PDZD2: variants seen among roughly 807,000 people sequenced by gnomAD.
PDZD2 encodes PDZ domain-containing protein 2.
A neutral mutation model predicts 220.7 loss-of-function variants in PDZD2; 90 were observed. That is an observed-to-expected ratio of 0.41 (90% CI 0.34 to 0.49). PDZD2 has a LOEUF of 0.49. Ranked by LOEUF, PDZD2 falls within the 20% of genes least tolerant of loss-of-function variation. The pLI, the probability that PDZD2 is intolerant of heterozygous loss-of-function variation, is 0.28. For synonymous variants in PDZD2, 1,375 were observed against 1,450.5 expected, an observed-to-expected ratio of 0.95 and a Z score of 1.18; for missense variants, 3,174 against 3,608.5, an observed-to-expected ratio of 0.88 and a Z score of 3.08.
Position 32,108,023 on chromosome 5 carries a change from T to C in PDZD2, c.8408T>C (p.Ile2803Thr). The change falls in exon 25 of 25, where the codon ATT becomes ACT. Residue 2803 changes from isoleucine to threonine, a missense_variant. By Grantham distance (89) the Ile-to-Thr change is moderately conservative. Around this residue, in one of 4 missense-constraint regions of PDZD2, gnomAD observed 631 missense variants for 789.9 expected, o/e 0.80. Transcript: ENST00000438447. ...GAAGCTGGAGATGAAATTCTTGCTATTAATGGGAAACCTCTGGTTGGGCTC... is the reference window on the plus strand; with the variant it reads ...GAAGCTGGAGATGAAATTCTTGCTACTAATGGGAAACCTCTGGTTGGGCTC... ...IIEAGDEILA[I>T]NGKPLVGLMH... The C allele has an allele frequency of 6.2e-7, 1 of 1,612,980 alleles. No homozygotes were observed. The highest frequency in any genetic ancestry group is 8.5e-7 in the Non-Finnish European group (1 of 1,178,940).
At chr5:31,894,157 C>T (rs1430701659) in intron 2 of PDZD2, among the ~76,000 whole-genome samples, 4 of 148,716 alleles carry the variant, frequency 2.7e-5, no homozygotes, top group Non-Finnish European at 5.9e-5. Context: ...AGGTGATCCA[C>T]TCATCTCAGC....
intron 13 of PDZD2, among the ~76,000 whole-genome samples, chr5:32,060,614 C>T (rs1359505005): frequency 6.6e-6 from 1 of 152,128 alleles, no homozygotes; most frequent in Non-Finnish European, 1.5e-5. Context: ...TCTGGGTGAC[C>T]CCTCTGAGCC....
At chr5:31,912,002 A>G (rs1011421347) in intron 2 of PDZD2, among the ~76,000 whole-genome samples, 2 of 152,228 alleles carry the variant, frequency 1.3e-5, no homozygotes, top group South Asian at 2.1e-4. Context: ...GATTGAGTGA[A>G]TCAGTCTACA....
intron 1 of PDZD2, among the ~76,000 whole-genome samples, chr5:31,693,771 G>C (rs983978373): frequency 6.6e-6 from 1 of 152,118 alleles, no homozygotes; most frequent in African/African-American, 2.4e-5. Context: ...GTTAATGAAG[G>C]GACCGTCAGT....
rs377116878 is a variant in PDZD2 at position 32,040,416 on chromosome 5, T to C, written c.1519+3074T>C. On this transcript the variant is annotated intron_variant, in intron 7 of 24. Transcript: ENST00000438447. ...CCCGGCCGCCACCCTGTCTAGGAAG[T>C]GAGGAGCGTCTCTGCCGGACTGCCC... is the stretch of plus-strand genomic sequence containing the variant. 5.4e-3 allele frequency among the ~76,000 whole-genome samples: 724 copies of C among 135,160 alleles called. 10 individuals carry two copies. Among genetic ancestry groups the C allele is most frequent in the African/African-American group, 0.02 (685 of 34,814 alleles). 88.7% of individuals were successfully genotyped at this position (135,160 alleles called of 152,430 possible).
At chr5:31,660,026 A>T (rs1745699297) in intron 1 of PDZD2, among the ~76,000 whole-genome samples, 1 of 152,212 alleles carries the variant, frequency 6.6e-6, no homozygotes, top group South Asian at 2.1e-4. Context: ...AATTTTCCTA[A>T]GGTGACCCAG....
At chr5:32,013,669 A>C (rs1753504061) in intron 6 of PDZD2, among the ~76,000 whole-genome samples, 1 of 152,092 alleles carries the variant, frequency 6.6e-6, no homozygotes, top group Admixed American at 6.5e-5. Context: ...TCATGCCACC[A>C]GAAGCTCTTA....
intron 2 of PDZD2, among the ~76,000 whole-genome samples, chr5:31,821,382 T>C (rs1334846869): frequency 1.9e-5 from 1 of 51,928 alleles, no homozygotes; most frequent in Non-Finnish European, 4.4e-5. Context: ...TGAGTTATTA[T>C]TATTATTTTT....
chr5:31,934,213 G>A (rs1377750185), intron 2 of PDZD2, among the ~76,000 whole-genome samples: 1 of 151,728 alleles, frequency 6.6e-6, no homozygotes, highest in African/African-American at 2.4e-5. Flanking sequence ...TCTTTTAAAA[G>A]AAAAAAAAGC....
intron 1 of PDZD2, among the ~76,000 whole-genome samples, chr5:31,757,330 GCCGGTAAT>G (rs1416734976): frequency 6.6e-6 from 1 of 152,082 alleles, no homozygotes; most frequent in East Asian, 1.9e-4. Context: ...GGTGGCTCAC[GCCGGTAAT>G]CCCAGCACTT....
chr5:31,991,504 A>G (rs1651249874), intron 3 of PDZD2, among the ~76,000 whole-genome samples: 1 of 152,158 alleles, frequency 6.6e-6, no homozygotes, highest in Admixed American at 6.5e-5. Context: ...TGCTGTTTGC[A>G]TTGAGATGGG....
chr5:31,891,298 G>T (rs1304090073), intron 2 of PDZD2, among the ~76,000 whole-genome samples: 3 of 151,608 alleles, frequency 2.0e-5, no homozygotes, highest in African/African-American at 4.9e-5. Context: ...CACCATGCCC[G>T]GCTAATTTTT....
chr5:32,090,513 C>A lies in PDZD2; in HGVS notation c.7065C>A (p.Ser2355=), dbSNP rs753670602. ...ATGCTGACCGGCCTGTAGCCAAGTC[C>A]GGGGCTTCCCCATTTTTGTCGGTGA... ...LANADRPVAK[S]GASPFLSVSS... Residue 2355 remains serine (S), a synonymous_variant, in exon 20 of 25, where the codon TCC becomes TCA. Transcript: ENST00000438447. The surrounding 1 kb of genome is among the most constrained non-coding windows in gnomAD (Gnocchi z 4.3). 1 of 1,613,972 alleles carries A rather than the reference C, an allele frequency of 6.2e-7. No individual in the cohort carries two copies. The highest frequency in any genetic ancestry group is 8.5e-7 in the Non-Finnish European group (1 of 1,179,982).
At chr5:31,975,807 AT>A (rs1203576109) in intron 2 of PDZD2, among the ~76,000 whole-genome samples, 3 of 59,056 alleles carry the variant, frequency 5.1e-5, no homozygotes, top group East Asian at 1.2e-3. Flanking sequence ...TTTTTTATTT[AT>A]TTTTTTTTTT....
chr5:32,079,283 A>C (rs576730590), intron 19 of PDZD2, among the ~76,000 whole-genome samples: 71 of 149,372 alleles, frequency 4.8e-4, no homozygotes, highest in African/African-American at 1.5e-3. Context: ...AAAAAAACAA[A>C]AAAAAAAAAG....
intron 2 of PDZD2, among the ~76,000 whole-genome samples, chr5:31,890,118 G>C (rs1351372984): frequency 6.9e-6 from 1 of 144,596 alleles, no homozygotes; most frequent in Non-Finnish European, 1.5e-5. Flanking sequence ...GACAAGGCTG[G>C]GTTGTTCTTT....
At chr5:31,743,743 G>A (rs1433131922) in intron 1 of PDZD2, among the ~76,000 whole-genome samples, 1 of 152,018 alleles carries the variant, frequency 6.6e-6, no homozygotes, top group Non-Finnish European at 1.5e-5. Context: ...CTGAGAGGGT[G>A]CCCACTCTCT....
intron 21 of PDZD2, among the ~76,000 whole-genome samples, chr5:32,096,829 A>AT (rs71831480): frequency 0.1 from 9,833 of 96,684 alleles, 1,539 homozygotes; most frequent in African/African-American, 0.26. Flanking sequence ...ATGTACTATG[A>AT]TTTTTTTTTT....
chr5:31,943,869 GC>G (rs1746416735), intron 2 of PDZD2, among the ~76,000 whole-genome samples: 1 of 152,224 alleles, frequency 6.6e-6, no homozygotes, highest in Admixed American at 6.5e-5. Context: ...CTGAACTGTA[GC>G]TCAAATTTGG....
Sources: gnomAD v4.1 joint callset for allele counts (sites outside exome capture counted in the v4.1 genomes callset) on GRCh38, gnomAD v4.1.1 for gene constraint, gnomAD v4.1.1 regional missense constraint, Gnocchi (gnomAD v3.1) non-coding constraint, MANE v1.5 for transcripts, NCBI Gene and HGNC (gene_info 2026-07-23, HGNC 2026-07-21) for gene names.